Variants in RBFOX1 observed in about 807,000 individuals in gnomAD.
RBFOX1 encodes the protein RNA binding fox-1 homolog 1, also known as RNA binding protein fox-1 homolog 1.
A neutral mutation model predicts 57.7 loss-of-function variants in RBFOX1; 8 were observed. The observed-to-expected ratio is 0.14, with a 90% CI of 0.08 to 0.25. The LOEUF (loss-of-function observed/expected upper bound fraction) is 0.25, where lower values mean the gene tolerates loss of function less well. RBFOX1 is among the 10% of genes least tolerant of loss of function. RBFOX1 has a pLI of 1.00. For missense variants in RBFOX1, 611 were observed against 548.5 expected, an observed-to-expected ratio of 1.11 and a Z score of -1.14; for synonymous variants, 326 against 222.4, an observed-to-expected ratio of 1.47 and a Z score of -4.15.
intron 4 of RBFOX1, among the ~76,000 whole-genome samples, chr16:7,084,133 T>A (rs2059621669): frequency 6.6e-6 from 1 of 152,068 alleles, no homozygotes. Context: ...TATAATACAA[T>A]CAAAATATGG....
chr16:5,737,390 G>A (rs892226539), intron 3 of RBFOX1, among the ~76,000 whole-genome samples: 1 of 152,118 alleles, frequency 6.6e-6, no homozygotes, highest in Non-Finnish European at 1.5e-5. Context: ...GAAGGCTGAG[G>A]CAGGAGAATC....
At chr16:6,483,237 C>T (rs1181071330) in intron 2 of RBFOX1, 29 of 1,237,846 alleles carry the variant, frequency 2.3e-5, no homozygotes, top group Middle Eastern at 3.2e-4. Flanking sequence ...GCCCTGGCGC[C>T]GCCGTGGCCT....
intron 3 of RBFOX1, among the ~76,000 whole-genome samples, chr16:6,811,866 G>C (rs375237531): frequency 3.9e-5 from 6 of 152,274 alleles, no homozygotes; most frequent in African/African-American, 1.4e-4. Flanking sequence ...TCGAGCCTGG[G>C]CAACACGAGT....
intron 4 of RBFOX1, among the ~76,000 whole-genome samples, chr16:7,145,361 C>T (rs754068634): frequency 3.5e-4 from 54 of 152,208 alleles, no homozygotes; most frequent in South Asian, 8.3e-4. Flanking sequence ...TGCACCACCA[C>T]ATCTGGTTCA....
At chr16:6,030,309 G>A (rs2095270152) in intron 1 of RBFOX1, among the ~76,000 whole-genome samples, 1 of 152,150 alleles carries the variant, frequency 6.6e-6, no homozygotes, top group Non-Finnish European at 1.5e-5. Context: ...TTCAGGTTCT[G>A]ATTGGTATTT....
At chr16:7,188,757 T>C (rs933682014) in intron 4 of RBFOX1, among the ~76,000 whole-genome samples, 2 of 152,188 alleles carry the variant, frequency 1.3e-5, no homozygotes, top group Admixed American at 1.3e-4. Context: ...GCCTTGTAAT[T>C]GTCAAAAGTA....
intron 1 of RBFOX1, among the ~76,000 whole-genome samples, chr16:5,346,535 G>A (rs2065143833): frequency 1.3e-5 from 2 of 152,150 alleles, no homozygotes; most frequent in South Asian, 2.1e-4. Flanking sequence ...TGGGTAATAG[G>A]ACCTTTATAT....
At chr16:5,747,964 G>A (rs975687519) in intron 3 of RBFOX1, among the ~76,000 whole-genome samples, 13 of 152,102 alleles carry the variant, frequency 8.5e-5, no homozygotes, top group Non-Finnish European at 1.5e-4. Flanking sequence ...TAATTGTGAT[G>A]TTAGGGTGTC....
At chr16:6,911,008 C>G (rs752350727) in intron 3 of RBFOX1, among the ~76,000 whole-genome samples, 1 of 152,012 alleles carries the variant, frequency 6.6e-6, no homozygotes, top group Non-Finnish European at 1.5e-5. Flanking sequence ...TGAGATAAGC[C>G]TGGTCAACGT....
chr16:5,290,248 G>C (rs1339310904), intron 1 of RBFOX1, among the ~76,000 whole-genome samples: 2 of 152,158 alleles, frequency 1.3e-5, no homozygotes, highest in African/African-American at 4.8e-5. Context: ...TCTAATCCCA[G>C]CTACTTGGGA....
At chr16:7,265,451 A>G (rs1334639142) in intron 4 of RBFOX1, among the ~76,000 whole-genome samples, 2 of 148,302 alleles carry the variant, frequency 1.3e-5, no homozygotes, top group African/African-American at 2.5e-5. Context: ...TTATTTGTTT[A>G]TTTATTTGTT....
At chr16:6,140,617 T>A (rs967744005) in intron 1 of RBFOX1, among the ~76,000 whole-genome samples, 1 of 152,116 alleles carries the variant, frequency 6.6e-6, no homozygotes, top group Non-Finnish European at 1.5e-5. Flanking sequence ...CAGAAAAGAT[T>A]TGCTGCCTCC....
rs1446196579 is a variant in RBFOX1, at chr16:7,711,524, T to G, written c.*779T>G. 2 of 152,602 alleles carry G rather than the reference T, an allele frequency of 1.3e-5. No homozygotes were observed. The highest frequency in any genetic ancestry group is 2.9e-5 in the Non-Finnish European group (2 of 68,030). The allele number at this position is 152,602 out of a possible 1,614,324, so 9.5% of individuals were successfully genotyped here. A position where few individuals can be genotyped will look rare whatever the true frequency, so the allele number is the denominator to read the frequency against. ...CTTCCAGTATAATAAATTATTGATA[T>G]CACTGCTGACTTTTATATTATGGGA... On this transcript the variant is annotated 3_prime_UTR_variant, in exon 16 of 16. Transcript: ENST00000550418.
chr16:7,368,622 C>CA (rs1178723833), intron 4 of RBFOX1, among the ~76,000 whole-genome samples: 5 of 150,680 alleles, frequency 3.3e-5, no homozygotes, highest in South Asian at 2.1e-4. Flanking sequence ...ACTAAAAATA[C>CA]AAAAAAAATT....
At chr16:6,709,086 T>C (rs1247908359) in intron 3 of RBFOX1, among the ~76,000 whole-genome samples, 1 of 152,150 alleles carries the variant, frequency 6.6e-6, no homozygotes, top group Non-Finnish European at 1.5e-5. Flanking sequence ...CAAGCACAGA[T>C]TATTAAAATA....
rs1171874913 is a variant in RBFOX1 at position 6,450,860 on chromosome 16, T to TAC, written c.-64+133804_-64+133805insCA. On this transcript the variant is annotated intron_variant, in intron 2 of 15. Transcript: ENST00000550418. ...ATGTGTATATATATATATATATATA[T>TAC]ATATATATATATATCTCCTCTGAAA... Among the ~76,000 whole-genome samples the TAC allele has an allele frequency of 2.2e-4, 17 of 75,866 alleles. 1 individual carries two copies. In the East Asian group the frequency reaches 2.6e-3, roughly 12 times the overall value. The allele number at this position is 75,866 out of a possible 152,430, so 49.8% of individuals were successfully genotyped here.
chr16:6,852,407 C>G (rs186980715), intron 3 of RBFOX1, among the ~76,000 whole-genome samples: 1 of 152,166 alleles, frequency 6.6e-6, no homozygotes, highest in East Asian at 1.9e-4. Flanking sequence ...GAAACTATTT[C>G]CTTACAAAGT....
chr16:5,456,736 T>C (rs2068641479), intron 1 of RBFOX1, among the ~76,000 whole-genome samples: 1 of 152,152 alleles, frequency 6.6e-6, no homozygotes, highest in African/African-American at 2.4e-5. Flanking sequence ...GGAACTTTCT[T>C]CCAACTAGGA....
chr16:6,826,868 T>C lies in RBFOX1; in HGVS notation c.-16+172218T>C, dbSNP rs527976385. Among the ~76,000 whole-genome samples the C allele has an allele frequency of 2.6e-5, 4 of 152,348 alleles. No individual in the cohort carries two copies. In the East Asian group the frequency reaches 7.7e-4, roughly 29 times the overall value. ...AAATCCTCAAACGCAGTTGGATGTG[T>C]TTCCGTATGATGAATAAGAAATTTT... On this transcript the variant is annotated intron_variant, in intron 3 of 15. Transcript: ENST00000550418.
Sources: gnomAD v4.1 joint callset for allele counts (sites outside exome capture counted in the v4.1 genomes callset) on GRCh38, gnomAD v4.1.1 for gene constraint, MANE v1.5 for transcripts, NCBI Gene and HGNC (gene_info 2026-07-23, HGNC 2026-07-21) for gene names.